RBFOX1: variants seen among roughly 807,000 people sequenced by gnomAD.
RBFOX1 encodes RNA binding fox-1 homolog 1, also known as RNA binding protein fox-1 homolog 1.
Under a neutral mutation model 57.7 loss-of-function variants are expected in RBFOX1, and 8 were observed. That is an observed-to-expected ratio of 0.14 (90% CI 0.08 to 0.25). RBFOX1 has a LOEUF of 0.25. Ranked by LOEUF, RBFOX1 falls within the 10% of genes least tolerant of loss-of-function variation. The probability of loss-of-function intolerance (pLI) is 1.00; values close to 1 mark genes in which losing one functional copy is unlikely to be tolerated. For missense variants in RBFOX1, 611 were observed against 548.5 expected (o/e 1.11, Z -1.14); for synonymous variants, 326 against 222.4 (o/e 1.47, Z -4.15).
chr16:5,652,502 T>G (rs2049273489), intron 3 of RBFOX1, among the ~76,000 whole-genome samples: 1 of 152,166 alleles, frequency 6.6e-6, no homozygotes, highest in Non-Finnish European at 1.5e-5. Context: ...TCAGAGTCTT[T>G]GTGCAACAGG....
At position 6,088,146 on chromosome 16, in the gene RBFOX1, ATTCTGATT is replaced by A. The variant is rs1381072402; in HGVS notation, c.-127+68156_-127+68163del. Among the ~76,000 whole-genome samples the A allele has an allele frequency of 4.6e-5, 7 of 152,092 alleles. No homozygotes were observed. The East Asian group carries it at 1.4e-3, about 29-fold the overall frequency. On this transcript the variant is annotated intron_variant, in intron 1 of 15. Coordinates refer to ENST00000550418, the MANE Select transcript of RBFOX1 (RefSeq NM_018723.4). ...ATCTGTAACGGTGGCCATAGAACCT[ATTCTGATT>A]TACTCTACCAGAAAACTTACCCTCT...
At chr16:6,432,446 C>T (rs992252925) in intron 2 of RBFOX1, among the ~76,000 whole-genome samples, 4 of 150,870 alleles carry the variant, frequency 2.7e-5, no homozygotes, top group African/African-American at 9.8e-5. Context: ...GCAAGGCGGG[C>T]GGATCACCTG....
At chr16:5,751,572 G>T (rs575469054) in intron 3 of RBFOX1, among the ~76,000 whole-genome samples, 1 of 152,288 alleles carries the variant, frequency 6.6e-6, no homozygotes, top group African/African-American at 2.4e-5. Context: ...CTAGGAATCA[G>T]AGAGGGCAAG....
chr16:5,660,247 C>T (rs1195435517), intron 3 of RBFOX1, among the ~76,000 whole-genome samples: 4 of 152,198 alleles, frequency 2.6e-5, no homozygotes, highest in East Asian at 1.9e-4. Flanking sequence ...TATTCTCAAG[C>T]GCCCCAGTGA....
intron 4 of RBFOX1, among the ~76,000 whole-genome samples, chr16:5,963,865 A>G (rs2059797424): frequency 6.6e-6 from 1 of 152,228 alleles, no homozygotes; most frequent in East Asian, 1.9e-4. Flanking sequence ...TGGACATGAC[A>G]CAAAAACACA....
chr16:7,500,278 C>G (rs1441416988), intron 4 of RBFOX1, among the ~76,000 whole-genome samples: 1 of 152,144 alleles, frequency 6.6e-6, no homozygotes, highest in Non-Finnish European at 1.5e-5. Flanking sequence ...CAAGATGGAA[C>G]TGTTTGGTTT....
At chr16:6,791,691 A>C (rs62016118) in intron 3 of RBFOX1, among the ~76,000 whole-genome samples, 17,673 of 152,144 alleles carry the variant, frequency 0.12, 1,420 homozygotes, top group African/African-American at 0.22. Context: ...CCTGGGAGGC[A>C]GAGGTTGCAG....
chr16:7,077,448 T>G (rs1336741388), intron 4 of RBFOX1, among the ~76,000 whole-genome samples: 2 of 152,172 alleles, frequency 1.3e-5, no homozygotes, highest in African/African-American at 4.8e-5. Flanking sequence ...GCACAGAGTC[T>G]CAAAGACGAA....
In RBFOX1 at chr16:7,155,740, C is replaced by T. The variant is rs551347912; in HGVS notation, c.27+103642C>T. Among the ~76,000 whole-genome samples the T allele has an allele frequency of 4.8e-3, 479 of 99,546 alleles. 4 individuals carry two copies. Among genetic ancestry groups the T allele is most frequent in the African/African-American group, 0.02 (407 of 20,042 alleles). The allele number at this position is 99,546 out of a possible 152,430, so 65.3% of individuals were successfully genotyped here. ...ATATATATATATATATATATATATA[C>T]ACACACACACACACACACACACACA... On this transcript the variant is annotated intron_variant, in intron 4 of 15. Coordinates refer to ENST00000550418, the MANE Select transcript of RBFOX1 (RefSeq NM_018723.4).
At chr16:7,579,449 T>C (rs1281044581) in intron 5 of RBFOX1, among the ~76,000 whole-genome samples, 1 of 152,076 alleles carries the variant, frequency 6.6e-6, no homozygotes, top group East Asian at 1.9e-4. Flanking sequence ...TTCCTTTGCT[T>C]TTTCTAGCCT....
At chr16:6,531,420 G>A (rs190243920) in intron 2 of RBFOX1, among the ~76,000 whole-genome samples, 16 of 152,266 alleles carry the variant, frequency 1.1e-4, no homozygotes, top group Admixed American at 2.6e-4. Context: ...CATCTTACTC[G>A]TTGCTAGATT....
chr16:7,120,848 C>CATACACACAT lies in RBFOX1; in HGVS notation c.27+68751_27+68752insTACACACATA, dbSNP rs1447654227. Among the ~76,000 whole-genome samples, 84 of 150,206 alleles carry CATACACACAT rather than the reference C, an allele frequency of 5.6e-4. 1 individual carries two copies. The highest frequency in any genetic ancestry group is 1.9e-3 in the African/African-American group (79 of 41,030). On this transcript the variant is annotated intron_variant, in intron 4 of 15. Coordinates refer to ENST00000550418, the MANE Select transcript of RBFOX1 (RefSeq NM_018723.4). Reference sequence around the variant, plus strand: ...GTATATATACACACACACACACACACACACACACACATACGTAAACATATA... The same window carrying CATACACACAT: ...GTATATATACACACACACACACACACATACACACATACACACACACATACGTAAACATATA...
intron 7 of RBFOX1, among the ~76,000 whole-genome samples, chr16:7,589,264 A>G (rs1200965588): frequency 6.6e-6 from 1 of 152,074 alleles, no homozygotes; most frequent in East Asian, 1.9e-4. Flanking sequence ...AATATGTTTA[A>G]TTTATATTTT....
intron 2 of RBFOX1, among the ~76,000 whole-genome samples, chr16:6,356,393 G>T (rs895639272): frequency 1.2e-4 from 18 of 152,166 alleles, no homozygotes; most frequent in African/African-American, 3.6e-4. Context: ...AGCTATGATT[G>T]TACCACAGCC....
intron 4 of RBFOX1, among the ~76,000 whole-genome samples, chr16:7,303,223 G>A (rs995775094): frequency 1.3e-5 from 2 of 152,248 alleles, no homozygotes; most frequent in Admixed American, 6.5e-5. Flanking sequence ...GGCACAGAGC[G>A]AAAGCTGCGC....
chr16:5,629,725 A>T (rs943148597), intron 3 of RBFOX1, among the ~76,000 whole-genome samples: 1 of 151,896 alleles, frequency 6.6e-6, no homozygotes, highest in South Asian at 2.1e-4. Flanking sequence ...TGTTTCTCCA[A>T]CTCTTGTATT....
intron 1 of RBFOX1, among the ~76,000 whole-genome samples, chr16:5,420,836 A>G (rs1248159669): frequency 6.6e-6 from 1 of 150,502 alleles, no homozygotes; most frequent in Non-Finnish European, 1.5e-5. Context: ...ATGCCCAGCC[A>G]TCGTCTACCA....
chr16:6,552,718 A>G (rs1266803669), intron 2 of RBFOX1, among the ~76,000 whole-genome samples: 1 of 152,202 alleles, frequency 6.6e-6, no homozygotes, highest in Non-Finnish European at 1.5e-5. Flanking sequence ...ATATACACAT[A>G]CATATGTGTG....
intron 2 of RBFOX1, among the ~76,000 whole-genome samples, chr16:6,563,989 A>T (rs555886488): frequency 3.3e-5 from 5 of 152,114 alleles, no homozygotes; most frequent in African/African-American, 1.2e-4. Flanking sequence ...TGGAGGGGAC[A>T]GACATGTAAA....
Sources: gnomAD v4.1 joint callset for allele counts (sites outside exome capture counted in the v4.1 genomes callset) on GRCh38, gnomAD v4.1.1 for gene constraint, MANE v1.5 for transcripts, NCBI Gene and HGNC (gene_info 2026-07-23, HGNC 2026-07-21) for gene names.